The following USP16 variants were observed in gnomAD, a reference collection of about 807,000 sequenced individuals.
USP16 encodes the protein ubiquitin carboxyl-terminal hydrolase 16.
A neutral mutation model predicts 95.9 loss-of-function variants in USP16; 77 were observed. That is an observed-to-expected ratio of 0.80 (90% CI 0.67 to 0.97). The LOEUF is 0.97. Among genes scored for constraint, USP16 ranks in the 50% least tolerant of loss-of-function variants. The probability of loss-of-function intolerance (pLI) is 0.00; values close to 1 mark genes in which losing one functional copy is unlikely to be tolerated. For missense variants in USP16, 943 were observed against 959.9 expected (o/e 0.98, Z 0.23); for synonymous variants, 303 against 318.2 (o/e 0.95, Z 0.51).
chr21:29,028,958 A>G (rs1020883730), intron 2 of USP16, among the ~76,000 whole-genome samples: 5 of 152,316 alleles, frequency 3.3e-5, no homozygotes, highest in African/African-American at 1.2e-4. Context: ...GGGTGTAAAC[A>G]TTTTTAAGAC....
intron 16 of USP16, 104 bp from the exon 17 acceptor site, chr21:29,053,698 A>T: frequency 8.3e-7 from 1 of 1,201,166 alleles, no homozygotes; most frequent in Non-Finnish European, 1.2e-6. Context: ...CTGCACTCTC[A>T]AAGTAATGGT....
At chr21:29,040,911 TA>T (rs1422765720) in intron 10 of USP16, among the ~76,000 whole-genome samples, 4 of 152,230 alleles carry the variant, frequency 2.6e-5, no homozygotes, top group Non-Finnish European at 5.9e-5. Context: ...ATTACAGTTT[TA>T]CTTTTCAAAA....
At chr21:29,044,188 C>T (rs1249837413) in intron 13 of USP16, among the ~76,000 whole-genome samples, 1 of 152,204 alleles carries the variant, frequency 6.6e-6, no homozygotes, top group Non-Finnish European at 1.5e-5. Context: ...CCCTCCTCAG[C>T]CTGCCAAAGT....
chr21:29,038,983 C>G, intron 7 of USP16, 43 bp from the exon 8 acceptor site: 1 of 1,448,244 alleles, frequency 6.9e-7, no homozygotes, highest in African/African-American at 1.5e-5. Context: ...GTCAGTGATT[C>G]CAGAATTTGA....
rs996676489 is a variant in USP16, at chr21:29,030,629, A to G, written c.96A>G (p.Glu32=). The G allele has an allele frequency of 1.9e-6, 3 of 1,613,266 alleles. No homozygotes were observed. In the African/African-American group the frequency reaches 4.0e-5, roughly 22 times the overall value. The change falls in exon 3 of 18, where the codon GAA becomes GAG. Residue 32 remains glutamate, a synonymous_variant. Coordinates refer to ENST00000399976, the MANE Select transcript of USP16 (RefSeq NM_006447.3). The stretch of plus-strand genomic sequence containing the variant: ...GCAGACACATTAGAAAAGGATTGGA[A>G]CAAGGTAATTTGAAAAAGGCTTTAG... The part of the protein sequence containing the change: ...PVCRHIRKGL[E]QGNLKKALVN...
In USP16 at chr21:29,046,822, G is replaced by A; in HGVS notation, c.1512G>A (p.Met504Ile). The change falls in exon 14 of 18, where the codon ATG becomes ATA. Residue 504 changes from methionine to isoleucine, a missense_variant. By Grantham distance (10) the Met-to-Ile change is conservative. Coordinates refer to ENST00000399976, the MANE Select transcript of USP16 (RefSeq NM_006447.3). ...ACCATATTTCACAAGAGGGTGTTAT[G>A]CATAAAGAATATTGTGTCAACCAGA... ...KSNHISQEGVMHKEYCVNQKD... is the reference protein window; with the variant it reads ...KSNHISQEGVIHKEYCVNQKD... The A allele has an allele frequency of 6.2e-7, 1 of 1,614,146 alleles. No homozygotes were observed. Among genetic ancestry groups the A allele is most frequent in the South Asian group, 1.1e-5 (1 of 91,082 alleles).
chr21:29,044,070 C>T (rs770816497), intron 13 of USP16, among the ~76,000 whole-genome samples: 2 of 151,986 alleles, frequency 1.3e-5, no homozygotes, highest in Non-Finnish European at 2.9e-5. Flanking sequence ...GCAGTCAGGA[C>T]TACAGGTGCA....
intron 3 of USP16, among the ~76,000 whole-genome samples, chr21:29,033,773 C>T (rs2085110936): frequency 6.6e-6 from 1 of 152,046 alleles, no homozygotes; most frequent in African/African-American, 2.4e-5. Context: ...TAAGGAATGC[C>T]ACTAGGAATT....
intron 1 of USP16, among the ~76,000 whole-genome samples, chr21:29,025,481 C>A (rs1328214529): frequency 1.3e-5 from 2 of 152,210 alleles, no homozygotes; most frequent in Non-Finnish European, 2.9e-5. Flanking sequence ...ACAATATGCT[C>A]TCCTCATGAC....
At chr21:29,037,535 G>GT (rs2085177179) in intron 6 of USP16, 72 bp downstream of exon 6, 6 of 795,268 alleles carry the variant, frequency 7.5e-6, no homozygotes, top group Non-Finnish European at 8.5e-6. Flanking sequence ...ACATTATTGA[G>GT]TTTTTTCCAC....
At chr21:29,050,409 G>A (rs1034790030) in intron 16 of USP16, among the ~76,000 whole-genome samples, 1 of 152,166 alleles carries the variant, frequency 6.6e-6, no homozygotes, top group Non-Finnish European at 1.5e-5. Context: ...ATTGTCTTGT[G>A]AGCGGAGGGC....
At chr21:29,026,976 C>T (rs1319685680) in intron 1 of USP16, among the ~76,000 whole-genome samples, 1 of 152,018 alleles carries the variant, frequency 6.6e-6, no homozygotes, top group Non-Finnish European at 1.5e-5. Context: ...TTAAATGCTT[C>T]CGATCAAGAG....
Position 29,046,994 on chromosome 21 carries a change from C to G in USP16, c.1684C>G (p.Leu562Val), listed in dbSNP as rs200021397. The change falls in exon 14 of 18, where the codon CTA becomes GTA. Residue 562 changes from leucine (L) to valine (V), a missense_variant. By Grantham distance (32) the Leu-to-Val change is conservative. Transcript: ENST00000399976. ...CACTAGGAATTTAAATGGTGCCTAC[C>G]TAACGGAAGGGAGCAATGGAGAAGT... ...SPTRNLNGAY[L>V]TEGSNGEVDI... 146 of 1,613,926 alleles carry G rather than the reference C, an allele frequency of 9.0e-5. No individual in the cohort carries two copies. Among genetic ancestry groups the G allele is most frequent in the Non-Finnish European group, 7.5e-5 (88 of 1,180,010 alleles).
In USP16 at chr21:29,046,930, C is replaced by A. The variant is rs140935314; in HGVS notation, c.1620C>A (p.Ile540=). Reference sequence around the variant, plus strand: ...CAGAGGAAGTAGATATGAAAAATATCAACATGGATAATGATCTGGAGGTTT... The same window carrying A: ...CAGAGGAAGTAGATATGAAAAATATAAACATGGATAATGATCTGGAGGTTT... ...KSTEEVDMKN[I]NMDNDLEVLT... is the part of the protein sequence containing the mutation. Residue 540 remains isoleucine, a synonymous_variant, in exon 14 of 18, where the codon ATC becomes ATA. Coordinates refer to ENST00000399976, the MANE Select transcript of USP16 (RefSeq NM_006447.3). The A allele has an allele frequency of 1.9e-6, 3 of 1,613,992 alleles. No individual in the cohort carries two copies. In the African/African-American group the frequency reaches 4.0e-5, roughly 22 times the overall value.
At chr21:29,043,722 T>A in intron 13 of USP16, 123 bp downstream of exon 13, 1 of 917,680 alleles carries the variant, frequency 1.1e-6, no homozygotes, top group South Asian at 3.9e-5. Flanking sequence ...CATTTGACAA[T>A]TACAGAATTT....
intron 1 of USP16, 39 bp downstream of exon 1, chr21:29,024,816 C>A: frequency 5.6e-6 from 7 of 1,252,984 alleles, no homozygotes; most frequent in Non-Finnish European, 7.2e-6. Flanking sequence ...CGTCGCTCGC[C>A]TGGCTTTCTG....
At chr21:29,030,797 T>TA (rs771353590) in intron 3 of USP16, 24 bp downstream of exon 3, 1 of 1,576,910 alleles carries the variant, frequency 6.3e-7, no homozygotes, top group Non-Finnish European at 8.6e-7. Context: ...TTAAGATCAA[T>TA]ATGGGATTTT....
intron 16 of USP16, chr21:29,052,080 G>A (rs56256164): frequency 0.04 from 6,066 of 152,196 alleles, 183 homozygotes; most frequent in Non-Finnish European, 0.057. Context: ...TGTGATTGAA[G>A]TTCCCAAACT....
chr21:29,026,615 C>G (rs1476943973), intron 1 of USP16: 1 of 126,304 alleles, frequency 7.9e-6, no homozygotes, highest in Non-Finnish European at 1.6e-5. Context: ...CTTCTGGCCT[C>G]AAGCCGTCCT....
Sources: allele counts gnomAD v4.1 joint callset (sites outside exome capture counted in the v4.1 genomes callset), GRCh38; gene constraint gnomAD v4.1.1; transcripts MANE v1.5; gene names NCBI Gene and HGNC (gene_info 2026-07-23, HGNC 2026-07-21).